HERC2: variants seen among roughly 807,000 people sequenced by gnomAD.
The protein encoded by HERC2 is HECT and RLD domain containing E3 ubiquitin protein ligase 2.
HERC2 carries 102 observed loss-of-function variants against 537.7 expected under a neutral mutation model. That is an observed-to-expected ratio of 0.19 (90% CI 0.16 to 0.22). The LOEUF (loss-of-function observed/expected upper bound fraction) is 0.22, where lower values mean the gene tolerates loss of function less well. HERC2 is among the 10% of genes least tolerant of loss of function. HERC2 has a pLI of 1.00. For synonymous variants in HERC2, 2,224 were observed against 2,466.2 expected (o/e 0.90, Z 2.91); for missense variants, 4,236 against 6,198.2 (o/e 0.68, Z 10.63).
chr15:28,169,382 T>C, intron 66 of HERC2, 102 bp downstream of exon 66: 4 of 818,578 alleles, frequency 4.9e-6, no homozygotes, highest in East Asian at 2.6e-5. Flanking sequence ...AAGACAATAA[T>C]ACAACATTCT....
rs1013545069 is a variant in HERC2, at chr15:28,175,545, G to A, written c.9798C>T (p.Ala3266=). 5.0e-6 allele frequency: 8 copies of A among 1,613,528 alleles called. No individual in the cohort carries two copies. Among genetic ancestry groups the A allele is most frequent in the African/African-American group, 4.0e-5 (3 of 74,882 alleles). The part of the protein sequence containing the change: ...GKKIVHVAVG[A]LHCLAVTDSG... Reference sequence around the variant, plus strand: ...AGTCCGTGACCGCCAGGCAGTGCAGGGCCCCGACAGCCACATGCACGATCT... The same window carrying A: ...AGTCCGTGACCGCCAGGCAGTGCAGAGCCCCGACAGCCACATGCACGATCT... The change falls in exon 64 of 93, where the codon GCC becomes GCT. Residue 3266 remains alanine, a synonymous_variant. Transcript: ENST00000261609.
chr15:28,118,106 G>A (rs955503255), intron 86 of HERC2: 6 of 169,884 alleles, frequency 3.5e-5, no homozygotes, highest in African/African-American at 1.4e-4. Flanking sequence ...GTTGCCTGTA[G>A]AATGAACTTG....
rs755618848 is a variant in HERC2, at chr15:28,269,298, G to A, written c.1396C>T (p.Leu466=). The change falls in exon 11 of 93, where the codon CTG becomes TTG. Residue 466 remains leucine, a synonymous_variant. Transcript: ENST00000261609. ...IACAEKRFLI[L]SRNGRVYTQA... ...GTGTACACGCGGCCATTGCGTGACA[G>A]AATCAGGAAACGCTTCTCTGCACAG... 6.2e-7 allele frequency: 1 copy of A among 1,614,130 alleles called. No homozygotes were observed. Among genetic ancestry groups the A allele is most frequent in the Non-Finnish European group, 8.5e-7 (1 of 1,179,994 alleles).
intron 5 of HERC2, among the ~76,000 whole-genome samples, chr15:28,277,477 A>AG (rs2075905788): frequency 1.4e-5 from 2 of 147,814 alleles, no homozygotes; most frequent in Admixed American, 6.6e-5. Context: ...AAAAAAAAAA[A>AG]AGGGGCTTTT....
intron 20 of HERC2, among the ~76,000 whole-genome samples, chr15:28,249,254 C>T (rs1373491349): frequency 6.6e-6 from 1 of 152,174 alleles, no homozygotes; most frequent in Non-Finnish European, 1.5e-5. Flanking sequence ...CACCTTGAGC[C>T]CTTACTCGCA....
At chr15:28,215,315 G>C (rs1295400183) in intron 39 of HERC2, among the ~76,000 whole-genome samples, 2 of 152,202 alleles carry the variant, frequency 1.3e-5, no homozygotes, top group Admixed American at 6.5e-5. Context: ...CATTACAGAT[G>C]CATGTGTTTA....
intron 35 of HERC2, among the ~76,000 whole-genome samples, chr15:28,224,990 G>A (rs959335567): frequency 6.6e-6 from 1 of 152,252 alleles, no homozygotes; most frequent in African/African-American, 2.4e-5. Flanking sequence ...GCCAAAAGCA[G>A]GGATGAAGGG....
chr15:28,259,507 C>T (rs79719798), intron 16 of HERC2, among the ~76,000 whole-genome samples: 176 of 152,302 alleles, frequency 1.2e-3, no homozygotes, highest in South Asian at 2.7e-3. Flanking sequence ...GGACGGAACA[C>T]ATGCCAATAT....
At chr15:28,244,436 G>A (rs575901064) in intron 23 of HERC2, among the ~76,000 whole-genome samples, 4 of 152,256 alleles carry the variant, frequency 2.6e-5, no homozygotes, top group East Asian at 3.9e-4. Flanking sequence ...GTAAGGTGGC[G>A]ATGACCACAC....
At chr15:28,175,457 C>A in intron 64 of HERC2, 55 bp downstream of exon 64, 1 of 1,509,774 alleles carries the variant, frequency 6.6e-7, no homozygotes, top group Non-Finnish European at 9.1e-7. Context: ...TGTCATGACC[C>A]CCACGTCCCC....
chr15:28,174,826 T>C (rs926676271), intron 64 of HERC2, among the ~76,000 whole-genome samples: 1 of 152,154 alleles, frequency 6.6e-6, no homozygotes, highest in African/African-American at 2.4e-5. Flanking sequence ...TGAAAATGCT[T>C]GCTAATACCT....
chr15:28,239,418 T>C (rs1902816837), intron 23 of HERC2, among the ~76,000 whole-genome samples: 2 of 151,694 alleles, frequency 1.3e-5, no homozygotes, highest in African/African-American at 4.8e-5. Context: ...ACCAACTCAA[T>C]ATTATGAAAA....
intron 70 of HERC2, among the ~76,000 whole-genome samples, chr15:28,148,384 G>T (rs139727205): frequency 6.6e-6 from 1 of 152,260 alleles, no homozygotes; most frequent in African/African-American, 2.4e-5. Flanking sequence ...GTACTTGAAA[G>T]AGAAAGTAAC....
In HERC2 at chr15:28,177,123, A is replaced by G; in HGVS notation, c.9259T>C (p.Cys3087Arg). The G allele has an allele frequency of 6.2e-7, 1 of 1,609,832 alleles. No individual in the cohort carries two copies. The highest frequency in any genetic ancestry group is 8.5e-7 in the Non-Finnish European group (1 of 1,177,116). Residue 3087 changes from cysteine (C) to arginine (R), a missense_variant, in exon 61 of 93, where the codon TGT becomes CGT. By Grantham distance (180) the Cys-to-Arg change is radical. This residue lies in a region of HERC2 where 606 missense variants were observed against 884.5 expected (regional missense o/e 0.69). Transcript: ENST00000261609. This position sits in a 1 kb window ranked among gnomAD's most constrained non-coding sequence, Gnocchi z 5.0. ...GKLGHFSRMNCDKPRLIEALK... is the reference protein window; with the variant it reads ...GKLGHFSRMNRDKPRLIEALK... ...GCCTCGATCAGCCTTGGTTTGTCAC[A>G]GTTCCTACAACAAGATGAAATCAGC... is the stretch of plus-strand genomic sequence containing the variant.
chr15:28,117,281 C>G, intron 86 of HERC2, 127 bp from the exon 87 acceptor site: 1 of 972,142 alleles, frequency 1.0e-6, no homozygotes, highest in African/African-American at 1.6e-5. Context: ...TGGTCACACA[C>G]CTGCTTGTGT....
chr15:28,183,082 C>T (rs1209128949), intron 56 of HERC2, among the ~76,000 whole-genome samples: 1 of 152,196 alleles, frequency 6.6e-6, no homozygotes, highest in East Asian at 1.9e-4. Flanking sequence ...CCCAGGACAC[C>T]GGCCAGAGGA....
In HERC2 at chr15:28,216,012, C is replaced by CT. The variant is rs879885077; in HGVS notation, c.6029-211dup. ...GTTCAAGAAACATTTCTCAATTTTTCTTTTTTTTTTTAGAGAAGGGCTCTC... is the reference window on the plus strand; with the variant it reads ...GTTCAAGAAACATTTCTCAATTTTTCTTTTTTTTTTTTAGAGAAGGGCTCTC... On this transcript the variant is annotated intron_variant, in intron 38 of 92. Transcript: ENST00000261609. 3.3e-3 allele frequency among the ~76,000 whole-genome samples: 483 copies of CT among 145,890 alleles called. 2 individuals are homozygous for CT. The highest frequency in any genetic ancestry group is 0.01 in the African/African-American group (410 of 40,380).
At position 28,301,510 on chromosome 15, in the gene HERC2, C is replaced by T. The variant is rs534831379; in HGVS notation, c.73-1994G>A. ...ACTGTGAGCATCAAAATCAAAAACGCCTTTGCTTGTCAACATTTGTGAGTC... is the reference window on the plus strand; with the variant it reads ...ACTGTGAGCATCAAAATCAAAAACGTCTTTGCTTGTCAACATTTGTGAGTC... On this transcript the variant is annotated intron_variant, in intron 2 of 92. Transcript: ENST00000261609. 3.1e-3 allele frequency among the ~76,000 whole-genome samples: 461 copies of T among 150,774 alleles called. 1 individual carries two copies. Among genetic ancestry groups the T allele is most frequent in the African/African-American group, 0.011 (435 of 41,220 alleles).
At chr15:28,309,277 T>G (rs1356944162) in intron 2 of HERC2, among the ~76,000 whole-genome samples, 1 of 152,240 alleles carries the variant, frequency 6.6e-6, no homozygotes, top group Non-Finnish European at 1.5e-5. Context: ...CCTCCATCTA[T>G]TAATGTGTTA....
Sources: gnomAD v4.1 joint callset for allele counts (sites outside exome capture counted in the v4.1 genomes callset) on GRCh38, gnomAD v4.1.1 for gene constraint, gnomAD v4.1.1 regional missense constraint, Gnocchi (gnomAD v3.1) non-coding constraint, MANE v1.5 for transcripts, NCBI Gene and HGNC (gene_info 2026-07-23, HGNC 2026-07-21) for gene names.